Variants in MOK observed in about 807,000 individuals in gnomAD.
The protein encoded by MOK is MOK protein kinase, also known as MAPK/MAK/MRK overlapping kinase.
In MOK, 59 loss-of-function variants were observed where a neutral mutation model predicts 54.2. The ratio of observed to expected loss-of-function variants is 1.09; its 90% confidence interval spans 0.88 to 1.35. MOK has a LOEUF of 1.35. Ranked by LOEUF, MOK falls within the 40% of genes most tolerant of loss-of-function variation. MOK has a pLI of 0.00. For synonymous variants in MOK, 210 were observed against 202.7 expected, an observed-to-expected ratio of 1.04 and a Z score of -0.31; for missense variants, 517 against 526.2, an observed-to-expected ratio of 0.98 and a Z score of 0.17.
the MOK span, among the ~76,000 whole-genome samples, chr14:102,215,756 C>T: frequency 2.0e-5 from 3 of 152,276 alleles, no homozygotes; most frequent in Middle Eastern, 3.4e-3. Flanking sequence ...ACACCAGGCC[C>T]GTCGTCGGTG....
intron 1 of MOK, among the ~76,000 whole-genome samples, chr14:102,290,174 T>C (rs1200599725): frequency 2.0e-5 from 3 of 148,062 alleles, no homozygotes. Flanking sequence ...GTATGGTGGC[T>C]CACGCCTATA....
downstream of MOK, chr14:102,222,770 C>T: frequency 6.3e-7 from 1 of 1,595,820 alleles, no homozygotes; most frequent in East Asian, 2.2e-5. The surrounding 1 kb of genome is among the most constrained non-coding windows in gnomAD (Gnocchi z 4.4). Flanking sequence ...GGAGGGCGCG[C>T]ATGGTGGCTG....
At chr14:102,273,321 A>C (rs1042998769) in intron 2 of MOK, among the ~76,000 whole-genome samples, 2 of 152,168 alleles carry the variant, frequency 1.3e-5, no homozygotes, top group African/African-American at 4.8e-5. Flanking sequence ...GAAATTTCTC[A>C]AAATACAAAG....
chr14:102,277,379 T>C (rs1409637395), intron 2 of MOK: 1 of 152,096 alleles, frequency 6.6e-6, no homozygotes, highest in Non-Finnish European at 1.5e-5. Flanking sequence ...TCCCAGCACT[T>C]TGGGAGGCTG....
intron 4 of MOK, among the ~76,000 whole-genome samples, chr14:102,261,288 A>C (rs2067375401): frequency 7.2e-6 from 1 of 138,912 alleles, no homozygotes; most frequent in African/African-American, 2.8e-5. Context: ...GTGTGGTAGC[A>C]CATGCCTGTA....
intron 7 of MOK, among the ~76,000 whole-genome samples, chr14:102,237,094 ACCTTGACAC>A (rs940576165): frequency 1.3e-5 from 2 of 152,120 alleles, no homozygotes; most frequent in African/African-American, 4.8e-5. Flanking sequence ...ACCTGGACCG[ACCTTGACAC>A]CCTCCAGTCA....
chr14:102,259,751 A>G (rs919743315), intron 4 of MOK, among the ~76,000 whole-genome samples: 1 of 152,168 alleles, frequency 6.6e-6, no homozygotes, highest in Admixed American at 6.5e-5. Flanking sequence ...AATGAGGATA[A>G]TAACAGTATC....
In MOK at chr14:102,280,200, C is replaced by T. The variant is rs114672759; in HGVS notation, c.122+3278G>A. Among the ~76,000 whole-genome samples, 701 of 151,952 alleles carry T rather than the reference C, an allele frequency of 4.6e-3. 6 individuals carry two copies. Among genetic ancestry groups the T allele is most frequent in the African/African-American group, 0.016 (650 of 41,428 alleles). ...AAAAGTGCCTGGTCCAGCGGAATTTCGGCTTCCTTGTCAAAGAAGGCAGAG... is the reference window on the plus strand; with the variant it reads ...AAAAGTGCCTGGTCCAGCGGAATTTTGGCTTCCTTGTCAAAGAAGGCAGAG... On this transcript the variant is annotated intron_variant, in intron 2 of 11. Transcript: ENST00000361847.
chr14:102,285,746 G>T (rs1025261116), intron 1 of MOK, among the ~76,000 whole-genome samples: 2 of 151,970 alleles, frequency 1.3e-5, no homozygotes, highest in Non-Finnish European at 2.9e-5. Flanking sequence ...ACAAAAATTA[G>T]CTGGATGTGA....
intron 1 of MOK, among the ~76,000 whole-genome samples, chr14:102,298,901 G>A (rs1008790677): frequency 7.2e-5 from 11 of 152,154 alleles, no homozygotes; most frequent in South Asian, 4.2e-4. Context: ...GTCCAGATGC[G>A]CCGCCTTCAG....
At chr14:102,259,144 A>G (rs2067197863) in intron 4 of MOK, among the ~76,000 whole-genome samples, 1 of 151,946 alleles carries the variant, frequency 6.6e-6, no homozygotes. Context: ...TTATCTTCCC[A>G]GTTCTTGCCA....
chr14:102,242,829 C>T (rs1597325553), intron 7 of MOK, among the ~76,000 whole-genome samples: 1 of 152,224 alleles, frequency 6.6e-6, no homozygotes, highest in African/African-American at 2.4e-5. Flanking sequence ...CAATACCTCC[C>T]TCCACAACCC....
rs563108328 is a variant in MOK at position 102,287,965 on chromosome 14, G to A, written c.8-4373C>T. On this transcript the variant is annotated intron_variant, in intron 1 of 11. Transcript: ENST00000361847. The stretch of plus-strand genomic sequence containing the variant: ...TTCTCCTGCCTCAGCCTCCCGAGTA[G>A]CTGGGATTACAGGCGCCCGCCACCG... Among the ~76,000 whole-genome samples the A allele has an allele frequency of 2.6e-3, 396 of 151,702 alleles. 3 individuals carry two copies. The highest frequency in any genetic ancestry group is 9.4e-3 in the African/African-American group (386 of 41,152).
intron 1 of MOK, among the ~76,000 whole-genome samples, chr14:102,291,011 A>C (rs1046088287): frequency 2.0e-5 from 3 of 152,186 alleles, no homozygotes; most frequent in African/African-American, 7.2e-5. Context: ...CCTGAATAAA[A>C]GAGGAACTAA....
rs2069703243 is a variant in MOK, at chr14:102,283,579, A to T, written c.21T>A (p.Ile7=). The T allele has an allele frequency of 6.2e-7, 1 of 1,610,706 alleles. No individual in the cohort carries two copies. The highest frequency in any genetic ancestry group is 8.5e-7 in the Non-Finnish European group (1 of 1,177,560). ...AAAACGTTCCCTCTCCTATTTTGCCAATTGCTTTATAGTCTATAAATAAAA... is the reference window on the plus strand; with the variant it reads ...AAAACGTTCCCTCTCCTATTTTGCCTATTGCTTTATAGTCTATAAATAAAA... MKNYKA[I]GKIGEGTFSE... The change falls in exon 2 of 12, where the codon ATT becomes ATA. Residue 7 remains isoleucine (I), a synonymous_variant. Coordinates refer to ENST00000361847, the MANE Select transcript of MOK (RefSeq NM_014226.3).
chr14:102,219,786 A>G (rs180963432), downstream of MOK, among the ~76,000 whole-genome samples: 42 of 152,360 alleles, frequency 2.8e-4, no homozygotes, highest in East Asian at 6.6e-3. Flanking sequence ...CTGCCATCAA[A>G]AGGGCGAAGC....
intron 2 of MOK, 109 bp from the exon 3 acceptor site, chr14:102,266,021 C>A: frequency 1.3e-6 from 1 of 780,808 alleles, no homozygotes; most frequent in East Asian, 2.6e-5. Context: ...ATATTTCAAG[C>A]AAGTTAATCA....
chr14:102,232,879 G>C lies in MOK; in HGVS notation c.693-171C>G. 1.8e-6 allele frequency: 1 copy of C among 561,518 alleles called. No individual in the cohort carries two copies. The highest frequency in any genetic ancestry group is 3.1e-6 in the Non-Finnish European group (1 of 319,506). 34.8% of individuals were successfully genotyped at this position (561,518 alleles called of 1,614,324 possible). On this transcript the variant is annotated intron_variant, in intron 8 of 11. Coordinates refer to ENST00000361847, the MANE Select transcript of MOK (RefSeq NM_014226.3). This position sits in a 1 kb window ranked among gnomAD's most constrained non-coding sequence, Gnocchi z 5.1. The stretch of plus-strand genomic sequence containing the variant: ...ACCAAGAGGGACCCCTGATGTAAAT[G>C]ATGGGCTCTGTGTAGTAATGAGATA...
At chr14:102,261,462 A>C (rs2067461159) in intron 4 of MOK, among the ~76,000 whole-genome samples, 1 of 123,920 alleles carries the variant, frequency 8.1e-6, no homozygotes, top group Non-Finnish European at 1.7e-5. Context: ...TATATATTCT[A>C]AACAAAGCTT....
Sources: gnomAD v4.1 joint callset for allele counts (sites outside exome capture counted in the v4.1 genomes callset) on GRCh38, gnomAD v4.1.1 for gene constraint, Gnocchi (gnomAD v3.1) non-coding constraint, MANE v1.5 for transcripts, NCBI Gene and HGNC (gene_info 2026-07-23, HGNC 2026-07-21) for gene names.